DCDC2: variants seen among roughly 807,000 people sequenced by gnomAD.
DCDC2 encodes doublecortin domain containing 2.
DCDC2 carries 40 observed loss-of-function variants against 50.2 expected under a neutral mutation model. The observed-to-expected ratio is 0.80, with a 90% CI of 0.62 to 1.04. DCDC2 has a LOEUF of 1.04. Ranked by LOEUF, DCDC2 falls within the 50% of genes least tolerant of loss-of-function variation. The pLI is 0.00. For synonymous variants in DCDC2, 234 were observed against 210.6 expected (o/e 1.11, Z -0.96); for missense variants, 570 against 581.9 (o/e 0.98, Z 0.21).
chr6:24,355,798 G>T (rs1001430900), intron 1 of DCDC2, among the ~76,000 whole-genome samples: 1 of 151,992 alleles, frequency 6.6e-6, no homozygotes, highest in Non-Finnish European at 1.5e-5. Flanking sequence ...AAGTATAATA[G>T]AATACCTAGA....
the DCDC2 span, among the ~76,000 whole-genome samples, chr6:24,369,644 A>G: frequency 6.6e-6 from 1 of 152,146 alleles, no homozygotes; most frequent in African/African-American, 2.4e-5. Context: ...GTAACGGCCA[A>G]ACTGATAGAT....
Position 24,291,023 on chromosome 6 carries a change from GC to G in DCDC2, c.612del (p.Gln205SerfsTer26). Reference sequence around the variant, plus strand: ...TCTCTGCCAACAGCCACATAAAACTGCCCATTCTCCAACTCTGCTCCACTCT... The same window carrying G: ...TCTCTGCCAACAGCCACATAAAACTGCCATTCTCCAACTCTGCTCCACTCT... ...LVESGAELEN[G>X]QFYVAVGRDK... On this transcript the variant is annotated frameshift_variant, in exon 5 of 10. Transcript: ENST00000378454. LOFTEE classifies it high-confidence loss of function. 6.2e-7 allele frequency: 1 copy of G among 1,613,884 alleles called. No individual in the cohort carries two copies. The highest frequency in any genetic ancestry group is 2.2e-5 in the East Asian group (1 of 44,850).
At chr6:24,180,592 G>GTT (rs112683160) in intron 8 of DCDC2, among the ~76,000 whole-genome samples, 5 of 151,780 alleles carry the variant, frequency 3.3e-5, no homozygotes, top group African/African-American at 1.2e-4. Flanking sequence ...CCGGCCCAGG[G>GTT]TTTTTTTTAA....
the DCDC2 span, among the ~76,000 whole-genome samples, chr6:24,370,059 A>G: frequency 1.5e-3 from 223 of 152,220 alleles, 2 homozygotes; most frequent in African/African-American, 5.3e-3. Flanking sequence ...GAAAAAAAAA[A>G]TCTAATTAGG....
the DCDC2 span, among the ~76,000 whole-genome samples, chr6:24,378,456 G>A: frequency 6.6e-6 from 1 of 152,060 alleles, no homozygotes; most frequent in African/African-American, 2.4e-5. Flanking sequence ...CGACTATTGT[G>A]AGAGTATGAA....
chr6:24,207,882 G>A (rs1318876477), intron 7 of DCDC2, among the ~76,000 whole-genome samples: 1 of 152,064 alleles, frequency 6.6e-6, no homozygotes, highest in African/African-American at 2.4e-5. Flanking sequence ...TATCTCATGG[G>A]CATCCTGATT....
upstream of DCDC2, among the ~76,000 whole-genome samples, chr6:24,358,891 A>AATATAT (rs1760552463): frequency 4.7e-5 from 1 of 21,182 alleles, no homozygotes; most frequent in Non-Finnish European, 7.2e-5. Flanking sequence ...ATATATATTT[A>AATATAT]TATATATAAT....
chr6:24,196,094 C>T (rs945468922), intron 8 of DCDC2, among the ~76,000 whole-genome samples: 1 of 152,186 alleles, frequency 6.6e-6, no homozygotes, highest in Non-Finnish European at 1.5e-5. Context: ...AGTCCAAAGA[C>T]ATTAACTAGC....
upstream of DCDC2, among the ~76,000 whole-genome samples, chr6:24,362,744 C>T (rs1457295408): frequency 1.3e-5 from 2 of 152,106 alleles, no homozygotes; most frequent in Admixed American, 6.5e-5. Flanking sequence ...ATCACTTTTC[C>T]TATGTTTCCT....
At chr6:24,359,116 T>C (rs1438401992), upstream of DCDC2, among the ~76,000 whole-genome samples, 1 of 57,076 alleles carries the variant, frequency 1.8e-5, no homozygotes, top group Non-Finnish European at 2.6e-5. Context: ...TATTATATAT[T>C]ATATATATTA....
Position 24,279,668 on chromosome 6 carries a change from G to C in DCDC2, c.760-1457C>G, listed in dbSNP as rs147689510. Among the ~76,000 whole-genome samples, 519 of 152,326 alleles carry C rather than the reference G, an allele frequency of 3.4e-3. 2 individuals carry two copies. The highest frequency in any genetic ancestry group is 0.012 in the African/African-American group (489 of 41,566). ...AGATGCTCAGGTGCTAAACTTACCT[G>C]AGAGTATGTGGTGAGAGGCTGCAGG... On this transcript the variant is annotated intron_variant, in intron 6 of 9. Coordinates refer to ENST00000378454, the MANE Select transcript of DCDC2 (RefSeq NM_016356.5).
chr6:24,300,531 C>T (rs1759350029), intron 4 of DCDC2, among the ~76,000 whole-genome samples: 10 of 152,122 alleles, frequency 6.6e-5, no homozygotes, highest in Admixed American at 6.5e-4. Context: ...AATTTTTTGC[C>T]ACATGTAAAG....
At chr6:24,219,572 T>TAACTG (rs1762055707) in intron 7 of DCDC2, among the ~76,000 whole-genome samples, 3 of 152,208 alleles carry the variant, frequency 2.0e-5, no homozygotes, top group Non-Finnish European at 4.4e-5. Context: ...TGGGGTTATT[T>TAACTG]TTAATAAAAT....
Position 24,302,012 on chromosome 6 carries a change from C to T in DCDC2, c.381G>A (p.Val127=), listed in dbSNP as rs772383629. 1 of 1,614,034 alleles carries T rather than the reference C, an allele frequency of 6.2e-7. No individual in the cohort carries two copies. The highest frequency in any genetic ancestry group is 8.5e-7 in the Non-Finnish European group (1 of 1,180,010). The change falls in exon 3 of 10, where the codon GTG becomes GTA. Residue 127 remains valine, a synonymous_variant. Transcript: ENST00000378454. ...GAAGCGGTTTTCTAAAGCGAGCTGA[C>T]ACGTTGATCCTGCTATGGATTACTG... The part of the protein sequence containing the change: ...VKPVIHSRIN[V]SARFRKPLQE...
the DCDC2 span, among the ~76,000 whole-genome samples, chr6:24,366,696 T>G: frequency 6.6e-6 from 1 of 152,196 alleles, no homozygotes; most frequent in East Asian, 1.9e-4. Context: ...CATTATGGAG[T>G]ATATATGCTC....
At chr6:24,225,266 G>C (rs192321237) in intron 7 of DCDC2, among the ~76,000 whole-genome samples, 2 of 152,086 alleles carry the variant, frequency 1.3e-5, no homozygotes, top group East Asian at 3.9e-4. Flanking sequence ...TTAGATATAC[G>C]ATGATAATGA....
chr6:24,224,714 G>A (rs560219780), intron 7 of DCDC2, among the ~76,000 whole-genome samples: 11 of 152,202 alleles, frequency 7.2e-5, no homozygotes, highest in African/African-American at 2.6e-4. Flanking sequence ...TCTCCAGGAA[G>A]CCCACCCTGG....
At chr6:24,185,348 G>A (rs1289757952) in intron 8 of DCDC2, among the ~76,000 whole-genome samples, 1 of 152,108 alleles carries the variant, frequency 6.6e-6, no homozygotes, top group Non-Finnish European at 1.5e-5. Context: ...ATCAAATGAA[G>A]CCACATCTGG....
At chr6:24,287,149 C>A (rs575107821) in intron 6 of DCDC2, among the ~76,000 whole-genome samples, 8 of 152,302 alleles carry the variant, frequency 5.3e-5, no homozygotes, top group African/African-American at 1.9e-4. Flanking sequence ...TATTCAAGGT[C>A]ATGTAATAAC....
Sources: gnomAD v4.1 joint callset for allele counts (sites outside exome capture counted in the v4.1 genomes callset) on GRCh38, gnomAD v4.1.1 for gene constraint, MANE v1.5 for transcripts, NCBI Gene and HGNC (gene_info 2026-07-23, HGNC 2026-07-21) for gene names.